The following SLC9A4 variants were observed in gnomAD, a reference collection of about 807,000 sequenced individuals.
SLC9A4 encodes the protein sodium/hydrogen exchanger 4.
In SLC9A4, 63 loss-of-function variants were observed where a neutral mutation model predicts 67.4. The observed-to-expected ratio is 0.93, with a 90% CI of 0.76 to 1.15. The LOEUF is 1.15. SLC9A4 is among the 50% of genes most tolerant of loss of function. The pLI is 0.00. For synonymous variants in SLC9A4, 393 were observed against 367.2 expected, an observed-to-expected ratio of 1.07 and a Z score of -0.80; for missense variants, 1,089 against 987.7, an observed-to-expected ratio of 1.10 and a Z score of -1.38.
At chr2:102,507,293 C>T (rs1685069582) in intron 4 of SLC9A4, among the ~76,000 whole-genome samples, 1 of 152,208 alleles carries the variant, frequency 6.6e-6, no homozygotes, top group South Asian at 2.1e-4. Flanking sequence ...TGACGAGACG[C>T]ACATGAGGAT....
intron 2 of SLC9A4, among the ~76,000 whole-genome samples, chr2:102,494,591 A>T (rs1684768485): frequency 1.3e-5 from 2 of 152,138 alleles, no homozygotes; most frequent in Non-Finnish European, 1.5e-5. Context: ...TATTTATAAG[A>T]AATGCAATTT....
intron 1 of SLC9A4, among the ~76,000 whole-genome samples, chr2:102,477,094 C>A (rs1684349455): frequency 1.3e-5 from 2 of 152,196 alleles, no homozygotes; most frequent in South Asian, 4.1e-4. Context: ...GAGATATTTG[C>A]TGGCTCCCCA....
intron 2 of SLC9A4, among the ~76,000 whole-genome samples, chr2:102,487,453 A>G (rs1340162279): frequency 1.3e-5 from 2 of 152,150 alleles, no homozygotes; most frequent in Non-Finnish European, 2.9e-5. Context: ...TGTGGAGTCT[A>G]AGCCACAGAC....
At chr2:102,524,872 CTTG>C in intron 9 of SLC9A4, 149 bp from the exon 10 acceptor site, 1 of 891,530 alleles carries the variant, frequency 1.1e-6, no homozygotes, top group Admixed American at 2.3e-5. Flanking sequence ...GGCGCTGAGG[CTTG>C]TTCATTCGTA....
rs1684274215 is a variant in SLC9A4, at chr2:102,473,911, C to G, written c.152C>G (p.Ser51Ter). ...AACGCTTGGTTTGCTGCTGCCAGCT[C>G]AGAGCCAGAGGAAGGGATATCTGTT... The part of the protein sequence containing the change: ...ASNAWFAAAS[S>*]EPEEGISVFE... The change falls in exon 1 of 12, where the codon TCA becomes TGA. Residue 51 changes from serine to a stop codon, truncating the protein, a stop_gained. Transcript: ENST00000295269. LOFTEE classifies it high-confidence loss of function. The G allele has an allele frequency of 1.2e-6, 2 of 1,614,064 alleles. No individual in the cohort carries two copies. Among genetic ancestry groups the G allele is most frequent in the Non-Finnish European group, 1.7e-6 (2 of 1,179,954 alleles).
chr2:102,527,184 C>G (rs1038271157), intron 11 of SLC9A4, among the ~76,000 whole-genome samples: 3 of 152,054 alleles, frequency 2.0e-5, no homozygotes, highest in Non-Finnish European at 2.9e-5. Context: ...GGTATGATCA[C>G]CATAGAATGT....
chr2:102,528,122 C>T (rs1176741837), intron 11 of SLC9A4, among the ~76,000 whole-genome samples: 1 of 152,116 alleles, frequency 6.6e-6, no homozygotes, highest in Non-Finnish European at 1.5e-5. Context: ...ATTCTCCTGG[C>T]TCAGCCTCCC....
At chr2:102,528,051 CG>C (rs1265827805) in intron 11 of SLC9A4, among the ~76,000 whole-genome samples, 1 of 152,028 alleles carries the variant, frequency 6.6e-6, no homozygotes, top group African/African-American at 2.4e-5. Context: ...TCTGTCACCC[CG>C]GCTGGAATGC....
In SLC9A4 at chr2:102,508,968, C is replaced by T. The variant is rs548350596; in HGVS notation, c.1488+35C>T. On this transcript the variant is annotated intron_variant, in intron 6 of 11. Transcript: ENST00000295269. ...CTCATAGTCACAATTAATAAATTAA[C>T]AAGACATTTCCCCTTTGTCACCATG... The T allele has an allele frequency of 1.6e-5, 25 of 1,546,992 alleles. No homozygotes were observed. The South Asian group carries it at 2.6e-4, about 16-fold the overall frequency.
chr2:102,480,010 C>T (rs955903347), intron 2 of SLC9A4, among the ~76,000 whole-genome samples: 8 of 152,198 alleles, frequency 5.3e-5, no homozygotes, highest in African/African-American at 1.7e-4. Flanking sequence ...TAAAAACCTT[C>T]AGCAGTTGTT....
intron 2 of SLC9A4, among the ~76,000 whole-genome samples, chr2:102,500,004 T>A (rs138225306): frequency 1.9e-4 from 29 of 152,344 alleles, no homozygotes; most frequent in African/African-American, 6.7e-4. Flanking sequence ...AAAGCTGTAC[T>A]GGCTGGAATA....
At chr2:102,530,582 A>G (rs765224215) in intron 11 of SLC9A4, among the ~76,000 whole-genome samples, 11 of 152,310 alleles carry the variant, frequency 7.2e-5, no homozygotes, top group Non-Finnish European at 1.3e-4. Context: ...CAGGAAACCA[A>G]AACAGTGACC....
In SLC9A4 at chr2:102,533,223, T is replaced by G. The variant is rs944115123; in HGVS notation, c.*535T>G. ...TTTCATATTCAATATGCAATAATTATGTTCTATCAGAGATAAAATTTGTTA... is the reference window on the plus strand; with the variant it reads ...TTTCATATTCAATATGCAATAATTAGGTTCTATCAGAGATAAAATTTGTTA... On this transcript the variant is annotated 3_prime_UTR_variant, in exon 12 of 12. Coordinates refer to ENST00000295269, the MANE Select transcript of SLC9A4 (RefSeq NM_001011552.4). 1.3e-4 allele frequency: 20 copies of G among 154,540 alleles called. No homozygotes were observed. The highest frequency in any genetic ancestry group is 4.8e-4 in the African/African-American group (20 of 41,466). 9.6% of individuals were successfully genotyped at this position (154,540 alleles called of 1,614,324 possible).
chr2:102,486,380 T>A (rs930004180), intron 2 of SLC9A4, among the ~76,000 whole-genome samples: 5 of 152,206 alleles, frequency 3.3e-5, no homozygotes, highest in Admixed American at 2.6e-4. Flanking sequence ...CATGAGTACG[T>A]CTGAGCCACA....
intron 9 of SLC9A4, among the ~76,000 whole-genome samples, chr2:102,523,886 T>C (rs1229903806): frequency 2.0e-5 from 3 of 152,210 alleles, no homozygotes; most frequent in Non-Finnish European, 4.4e-5. Flanking sequence ...ATTCCCAGGA[T>C]AACACTCACT....
chr2:102,477,071 A>G (rs146986773), intron 1 of SLC9A4, among the ~76,000 whole-genome samples: 203 of 152,326 alleles, frequency 1.3e-3, no homozygotes, highest in Admixed American at 2.8e-3. Context: ...GGGTGAATCT[A>G]ACAATTCCCA....
chr2:102,532,213 G>A, intron 11 of SLC9A4, 117 bp from the exon 12 acceptor site: 1 of 1,163,274 alleles, frequency 8.6e-7, no homozygotes. Flanking sequence ...GTTGAGTGTA[G>A]AGCTGAAACC....
At chr2:102,475,697 A>G (rs557436024) in intron 1 of SLC9A4, among the ~76,000 whole-genome samples, 2 of 152,356 alleles carry the variant, frequency 1.3e-5, no homozygotes, top group South Asian at 4.1e-4. Flanking sequence ...CATATTTACT[A>G]GTCTTCAAGA....
intron 2 of SLC9A4, among the ~76,000 whole-genome samples, chr2:102,483,324 G>C (rs1684506557): frequency 3.3e-5 from 5 of 152,148 alleles, no homozygotes; most frequent in Admixed American, 3.3e-4. Context: ...AGCTGAAAAG[G>C]AACGGGTACT....
Sources: allele counts gnomAD v4.1 joint callset (sites outside exome capture counted in the v4.1 genomes callset), GRCh38; gene constraint gnomAD v4.1.1; transcripts MANE v1.5; gene names NCBI Gene and HGNC (gene_info 2026-07-23, HGNC 2026-07-21).